MYSM1: variants seen among roughly 807,000 people sequenced by gnomAD.
MYSM1 encodes deubiquitinase MYSM1.
Under a neutral mutation model 116.0 loss-of-function variants are expected in MYSM1, and 51 were observed. The ratio of observed to expected loss-of-function variants is 0.44; its 90% CI spans 0.35 to 0.56. MYSM1 has a LOEUF of 0.56. Ranked by LOEUF, MYSM1 falls within the 20% of genes least tolerant of loss-of-function variation. The pLI, the probability that MYSM1 is intolerant of heterozygous loss-of-function variation, is 0.00. For synonymous variants in MYSM1, 313 were observed against 315.2 expected, an observed-to-expected ratio of 0.99 and a Z score of 0.07; for missense variants, 900 against 974.9, an observed-to-expected ratio of 0.92 and a Z score of 1.02.
At chr1:58,669,426 A>G (rs1644522572) in intron 12 of MYSM1, among the ~76,000 whole-genome samples, 1 of 152,238 alleles carries the variant, frequency 6.6e-6, no homozygotes, top group Non-Finnish European at 1.5e-5. Flanking sequence ...TTGTCAGTTC[A>G]ATAATGTGCC....
At position 58,661,424 on chromosome 1, in the gene MYSM1, T is replaced by C. The variant is rs1468285478; in HGVS notation, c.2252A>G (p.Lys751Arg). 3 of 1,588,256 alleles carry C rather than the reference T, an allele frequency of 1.9e-6. No individual in the cohort carries two copies. The highest frequency in any genetic ancestry group is 2.6e-6 in the Non-Finnish European group (3 of 1,157,140). ...VFEKTRWIIE[K>R]YRLSHSSVPM... ...TACATACCTATGGGAGAGCCTGTATTTTTCTATTATCCATCTTGTCTTTTC... is the reference window on the plus strand; with the variant it reads ...TACATACCTATGGGAGAGCCTGTATCTTTCTATTATCCATCTTGTCTTTTC... The change falls in exon 18 of 20, where the codon AAA becomes AGA. Residue 751 changes from lysine to arginine, a missense_variant. Transcript: ENST00000472487.
intron 17 of MYSM1, among the ~76,000 whole-genome samples, chr1:58,663,355 T>TA (rs1644422263): frequency 6.6e-6 from 1 of 152,164 alleles, no homozygotes; most frequent in African/African-American, 2.4e-5. Flanking sequence ...TTTTATCCAC[T>TA]AAAATATCAG....
At position 58,696,151 on chromosome 1, in the gene MYSM1, T is replaced by A. The variant is rs190852444; in HGVS notation, c.69-944A>T. 3.9e-5 allele frequency among the ~76,000 whole-genome samples: 6 copies of A among 152,318 alleles called. No homozygotes were observed. In the East Asian group the frequency reaches 9.6e-4, roughly 24 times the overall value. ...TAGATTTAATCTTAAATGTCAACTA[T>A]GATCTGGAAGAGGCTACCAGGAAGG... On this transcript the variant is annotated intron_variant, in intron 1 of 19. Transcript: ENST00000472487.
chr1:58,700,055 T>C lies in MYSM1; in HGVS notation c.-3A>G. On this transcript the variant is annotated 5_prime_UTR_variant, in exon 1 of 20. Transcript: ENST00000472487. ...ACATCCGCCTCTTCAGCCGCCATGA[T>C]GGGACCTGACCCCGTCCGTCCTCCC... 6.2e-7 allele frequency: 1 copy of C among 1,613,630 alleles called. No homozygotes were observed. The highest frequency in any genetic ancestry group is 1.1e-5 in the South Asian group (1 of 91,090).
intron 6 of MYSM1, 36 bp from the exon 7 acceptor site, chr1:58,685,287 A>G: frequency 6.7e-7 from 1 of 1,487,680 alleles, no homozygotes; most frequent in Non-Finnish European, 9.2e-7. Flanking sequence ...ATTGCTTTTG[A>G]TGAATTTACT....
Position 58,661,644 on chromosome 1 carries a change from CAT to C in MYSM1, c.2165-135_2165-134del, listed in dbSNP as rs936167759. ...CAGATCAGCTGAACAGCACTTTAAA[CAT>C]AGTGGGCATTCATTAAATATTTATT... On this transcript the variant is annotated intron_variant, in intron 17 of 19. Transcript: ENST00000472487. 3 of 549,490 alleles carry C rather than the reference CAT, an allele frequency of 5.5e-6. No individual in the cohort carries two copies. In the African/African-American group the frequency reaches 5.7e-5, roughly 10 times the overall value. 34.0% of individuals were successfully genotyped at this position (549,490 alleles called of 1,614,324 possible).
At chr1:58,675,630 T>TG in intron 9 of MYSM1, 50 bp from the exon 10 acceptor site, 1 of 1,425,906 alleles carries the variant, frequency 7.0e-7, no homozygotes, top group Non-Finnish European at 9.8e-7. Flanking sequence ...GTGAAACTCA[T>TG]TTGTTAAACA....
intron 6 of MYSM1, among the ~76,000 whole-genome samples, chr1:58,686,965 T>TAAA (rs57730856): frequency 5.6e-5 from 8 of 142,834 alleles, no homozygotes; most frequent in East Asian, 2.0e-4. Context: ...CCTTGTTTCT[T>TAAA]AAAAAAAAAA....
intron 1 of MYSM1, among the ~76,000 whole-genome samples, chr1:58,696,714 TA>T (rs1433605548): frequency 6.6e-6 from 1 of 152,188 alleles, no homozygotes; most frequent in Non-Finnish European, 1.5e-5. Flanking sequence ...CTGACATATA[TA>T]TAGGATTGCT....
intron 7 of MYSM1, 25 bp from the exon 8 acceptor site, chr1:58,682,570 C>T (rs760849378): frequency 6.5e-7 from 1 of 1,532,616 alleles, no homozygotes; most frequent in Non-Finnish European, 8.7e-7. Context: ...AAATAAAATC[C>T]CCATAATATT....
Position 58,655,082 on chromosome 1 carries a change from A to T in MYSM1, c.*4915T>A, listed in dbSNP as rs1483468764. The stretch of plus-strand genomic sequence containing the variant: ...CAACAAGTTTATCAATAACCATGCC[A>T]TATGTTTAGTAACTAACTTACTTAT... On this transcript the variant is annotated 3_prime_UTR_variant, in exon 20 of 20. Transcript: ENST00000472487. The T allele has an allele frequency of 6.6e-6, 1 of 152,084 alleles. No individual in the cohort carries two copies. Among genetic ancestry groups the T allele is most frequent in the Non-Finnish European group, 1.5e-5 (1 of 67,960 alleles). The allele number at this position is 152,084 out of a possible 1,614,324, so 9.4% of individuals were successfully genotyped here. A position where few individuals can be genotyped will look rare whatever the true frequency, so the allele number is the denominator to read the frequency against.
At chr1:58,684,354 A>T (rs1297043750) in intron 7 of MYSM1, among the ~76,000 whole-genome samples, 11 of 152,218 alleles carry the variant, frequency 7.2e-5, no homozygotes, top group Non-Finnish European at 1.5e-5. Flanking sequence ...TCACGAGGTC[A>T]GGAGATCCAG....
chr1:58,681,914 T>C lies in MYSM1; in HGVS notation c.1130A>G (p.Gln377Arg). The change falls in exon 8 of 20, where the codon CAG (glutamine) becomes CGG (arginine). Residue 377 changes from glutamine to arginine, a missense_variant. By Grantham distance (43) the Gln-to-Arg change is conservative. Around this residue, in one of 3 missense-constraint regions of MYSM1, gnomAD observed 622 missense variants for 623.7 expected, o/e 1.00. Transcript: ENST00000472487. ...GATATTTCTATCTATTTCTATTTCC[T>C]GTTCTGGTGGCTTAAGCTCTTCTTC... Reference protein sequence around the residue: ...HEEEELKPPEQEIEIDRNIIQ... With the variant: ...HEEEELKPPEREIEIDRNIIQ... The C allele has an allele frequency of 1.2e-6, 2 of 1,614,120 alleles. No individual in the cohort carries two copies. The highest frequency in any genetic ancestry group is 1.6e-4 in the Middle Eastern group (1 of 6,062).
intron 7 of MYSM1, 64 bp from the exon 8 acceptor site, chr1:58,682,609 C>T (rs1425441825): frequency 7.2e-7 from 1 of 1,388,612 alleles, no homozygotes; most frequent in East Asian, 2.5e-5. Flanking sequence ...CACTGGTACA[C>T]ACAAAAAAGG....
rs1300137202 is a variant in MYSM1 at position 58,657,830 on chromosome 1, T to C, written c.*2167A>G. 6.6e-6 allele frequency: 1 copy of C among 152,280 alleles called. No individual in the cohort carries two copies. The highest frequency in any genetic ancestry group is 1.5e-5 in the Non-Finnish European group (1 of 68,032). The allele number at this position is 152,280 out of a possible 1,614,324, so 9.4% of individuals were successfully genotyped here. On this transcript the variant is annotated 3_prime_UTR_variant, in exon 20 of 20. Coordinates refer to ENST00000472487, the MANE Select transcript of MYSM1 (RefSeq NM_001085487.3). ...TATCATCCTTGAGATCCTCGCAATATGGCTTAGATTAGCAAATATGGTTAA... is the reference window on the plus strand; with the variant it reads ...TATCATCCTTGAGATCCTCGCAATACGGCTTAGATTAGCAAATATGGTTAA...
At chr1:58,679,829 A>G (rs1374625112) in intron 8 of MYSM1, among the ~76,000 whole-genome samples, 2 of 151,848 alleles carry the variant, frequency 1.3e-5, no homozygotes, top group African/African-American at 4.8e-5. Context: ...GGAGTTCTAG[A>G]CCAGCCTGGC....
rs1019661083 is a variant in MYSM1 at position 58,656,420 on chromosome 1, G to T, written c.*3577C>A. The T allele has an allele frequency of 2.0e-5, 3 of 152,208 alleles. No individual in the cohort carries two copies. The highest frequency in any genetic ancestry group is 7.2e-5 in the African/African-American group (3 of 41,444). 9.4% of individuals were successfully genotyped at this position (152,208 alleles called of 1,614,324 possible). ...GCAGGGAGTGATGATGAAGGAAAGG[G>T]TTTGTGGGAAATGGAGAGGAAAGAA... On this transcript the variant is annotated 3_prime_UTR_variant, in exon 20 of 20. Transcript: ENST00000472487.
intron 11 of MYSM1, 27 bp from the exon 12 acceptor site, chr1:58,671,985 G>A (rs2100617067): frequency 6.4e-7 from 1 of 1,568,988 alleles, no homozygotes; most frequent in Non-Finnish European, 8.8e-7. Context: ...ATTGATTAAG[G>A]AGTCCATCAT....
intron 7 of MYSM1, among the ~76,000 whole-genome samples, chr1:58,684,163 T>C (rs1248612183): frequency 1.3e-5 from 2 of 152,144 alleles, no homozygotes; most frequent in Non-Finnish European, 2.9e-5. Context: ...AAACAAATCT[T>C]ACCTACAGGG....
Sources: gnomAD v4.1 joint callset for allele counts (sites outside exome capture counted in the v4.1 genomes callset) on GRCh38, gnomAD v4.1.1 for gene constraint, gnomAD v4.1.1 regional missense constraint, MANE v1.5 for transcripts, NCBI Gene and HGNC (gene_info 2026-07-23, HGNC 2026-07-21) for gene names.